THSD7A: variants seen among roughly 807,000 people sequenced by gnomAD.
THSD7A encodes the protein thrombospondin type-1 domain-containing protein 7A.
In THSD7A, 96 loss-of-function variants were observed where a neutral mutation model predicts 231.3. The ratio of observed to expected loss-of-function variants is 0.41; its 90% CI spans 0.35 to 0.49. The LOEUF (loss-of-function observed/expected upper bound fraction) is 0.49, where lower values mean the gene tolerates loss of function less well. Ranked by LOEUF, THSD7A falls within the 20% of genes least tolerant of loss-of-function variation. THSD7A has a pLI of 0.05. For synonymous variants in THSD7A, 940 were observed against 743.3 expected, an observed-to-expected ratio of 1.26 and a Z score of -4.30; for missense variants, 2,290 against 2,070.2, an observed-to-expected ratio of 1.11 and a Z score of -2.06.
intron 1 of THSD7A, among the ~76,000 whole-genome samples, chr7:11,693,304 A>G (rs895968099): frequency 1.2e-4 from 18 of 151,570 alleles, no homozygotes; most frequent in Non-Finnish European, 1.9e-4. Context: ...TAGTAAATTT[A>G]CACATCTAAG....
At chr7:11,686,034 A>G (rs1780041645) in intron 1 of THSD7A, among the ~76,000 whole-genome samples, 1 of 151,990 alleles carries the variant, frequency 6.6e-6, no homozygotes, top group African/African-American at 2.4e-5. Flanking sequence ...CTATACAACC[A>G]TAAAAGCGGA....
chr7:11,806,837 A>G (rs1014776802), intron 1 of THSD7A, among the ~76,000 whole-genome samples: 1 of 152,136 alleles, frequency 6.6e-6, no homozygotes, highest in South Asian at 2.1e-4. Context: ...CTCTGCTGCT[A>G]AAGTGTGCCT....
chr7:11,551,180 T>C (rs1022602860), intron 4 of THSD7A, among the ~76,000 whole-genome samples: 1 of 152,088 alleles, frequency 6.6e-6, no homozygotes, highest in Non-Finnish European at 1.5e-5. Flanking sequence ...TTTCACCATA[T>C]ATGAAAATCA....
Position 11,490,026 on chromosome 7 carries a change from C to T in THSD7A, c.1823-8044G>A, listed in dbSNP as rs185282950. Among the ~76,000 whole-genome samples, 236 of 152,086 alleles carry T rather than the reference C, an allele frequency of 1.6e-3. 1 individual carries two copies. Among genetic ancestry groups the T allele is most frequent in the African/African-American group, 5.4e-3 (226 of 41,526 alleles). On this transcript the variant is annotated intron_variant, in intron 6 of 27. Transcript: ENST00000423059. ...ATTCACAATAAGTTTGCCTATGTTTCCACTATGCTCTCTTCCCTGTCACTT... is the reference window on the plus strand; with the variant it reads ...ATTCACAATAAGTTTGCCTATGTTTTCACTATGCTCTCTTCCCTGTCACTT...
At chr7:11,417,327 C>G (rs1783994315) in intron 17 of THSD7A, 123 bp downstream of exon 17, 1 of 1,002,602 alleles carries the variant, frequency 1.0e-6, no homozygotes, top group Non-Finnish European at 1.4e-6. Context: ...CCTTGCTTTG[C>G]TAAATATGGC....
chr7:11,621,223 T>C (rs533315908), intron 2 of THSD7A, among the ~76,000 whole-genome samples: 1 of 152,342 alleles, frequency 6.6e-6, no homozygotes, highest in Admixed American at 6.5e-5. Flanking sequence ...TTTCCTAGTC[T>C]GATTTACAGT....
intron 1 of THSD7A, among the ~76,000 whole-genome samples, chr7:11,646,941 A>C (rs1424597992): frequency 6.6e-6 from 1 of 152,068 alleles, no homozygotes; most frequent in Admixed American, 6.6e-5. Flanking sequence ...AGCATATGTA[A>C]TAAAATTGTC....
intron 4 of THSD7A, among the ~76,000 whole-genome samples, chr7:11,556,599 T>C (rs905298193): frequency 5.3e-5 from 8 of 151,946 alleles, no homozygotes; most frequent in African/African-American, 1.9e-4. Flanking sequence ...GGTTTCTTCC[T>C]TTAATCTTTC....
At chr7:11,479,306 G>C (rs948234605) in intron 7 of THSD7A, among the ~76,000 whole-genome samples, 1 of 152,154 alleles carries the variant, frequency 6.6e-6, no homozygotes, top group East Asian at 1.9e-4. Flanking sequence ...TGAAAGTATA[G>C]GTTGGAGCAT....
intron 1 of THSD7A, among the ~76,000 whole-genome samples, chr7:11,682,884 A>T (rs1337714501): frequency 2.0e-5 from 3 of 152,090 alleles, no homozygotes; most frequent in Non-Finnish European, 4.4e-5. Flanking sequence ...ATAAAAAAAA[A>T]ATCACCGAGG....
At chr7:11,707,407 G>A (rs1208739298) in intron 1 of THSD7A, among the ~76,000 whole-genome samples, 1 of 150,960 alleles carries the variant, frequency 6.6e-6, no homozygotes, top group Non-Finnish European at 1.5e-5. Context: ...AGTATGCCAA[G>A]TGTGTTGGTT....
chr7:11,491,416 C>G (rs1160369323), intron 6 of THSD7A, among the ~76,000 whole-genome samples: 1 of 84,114 alleles, frequency 1.2e-5, no homozygotes, highest in Admixed American at 1.4e-4. Context: ...CTTTAGTCCC[C>G]TTTCTCTCTG....
chr7:11,554,302 G>C (rs1421723860), intron 4 of THSD7A, among the ~76,000 whole-genome samples: 4 of 152,144 alleles, frequency 2.6e-5, no homozygotes, highest in East Asian at 3.9e-4. Context: ...GGCATACAGA[G>C]AAGTACCATG....
At chr7:11,586,692 T>C (rs950211583) in intron 4 of THSD7A, among the ~76,000 whole-genome samples, 2 of 152,224 alleles carry the variant, frequency 1.3e-5, no homozygotes, top group Non-Finnish European at 2.9e-5. Flanking sequence ...TAGTGATAAA[T>C]AATTTACTTT....
At chr7:11,506,931 T>C (rs1787569089) in intron 6 of THSD7A, among the ~76,000 whole-genome samples, 1 of 152,212 alleles carries the variant, frequency 6.6e-6, no homozygotes, top group Non-Finnish European at 1.5e-5. Flanking sequence ...ATGAACTGTA[T>C]CTTTTTGTGT....
At position 11,636,591 on chromosome 7, in the gene THSD7A, G is replaced by A; in HGVS notation, c.561C>T (p.Cys187=). 2 of 1,614,012 alleles carry A rather than the reference G, an allele frequency of 1.2e-6. No individual in the cohort carries two copies. Among genetic ancestry groups the A allele is most frequent in the Non-Finnish European group, 1.7e-6 (2 of 1,179,890 alleles). Residue 187 remains cysteine, a synonymous_variant, in exon 2 of 28, where the codon TGC becomes TGT. Transcript: ENST00000423059. The surrounding 1 kb of genome is among the most constrained non-coding windows in gnomAD (Gnocchi z 10.0). Reference sequence around the variant, plus strand: ...TGCAATCTTGCTGGCAAGGAATGAGGCAAGCCTGCTCCAGGAGAGGCTTGG... The same window carrying A: ...TGCAATCTTGCTGGCAAGGAATGAGACAAGCCTGCTCCAGGAGAGGCTTGG... ...FEPKPLLEQA[C]LIPCQQDCIV...
chr7:11,538,688 T>G (rs1789017002), intron 6 of THSD7A, among the ~76,000 whole-genome samples: 1 of 152,198 alleles, frequency 6.6e-6, no homozygotes, highest in Admixed American at 6.5e-5. Flanking sequence ...GTGAAATGTT[T>G]ATCTCTTTTT....
intron 1 of THSD7A, among the ~76,000 whole-genome samples, chr7:11,720,774 A>T (rs1360531437): frequency 6.6e-6 from 1 of 151,708 alleles, no homozygotes; most frequent in Non-Finnish European, 1.5e-5. Context: ...AATGTTCAGC[A>T]GTGTTAGACA....
At chr7:11,823,956 T>C (rs536200657) in intron 1 of THSD7A, among the ~76,000 whole-genome samples, 1 of 151,654 alleles carries the variant, frequency 6.6e-6, no homozygotes, top group African/African-American at 2.4e-5. Context: ...AACAGTAGTG[T>C]TTTTTAAAAA....
Sources: allele counts gnomAD v4.1 joint callset (sites outside exome capture counted in the v4.1 genomes callset), GRCh38; gene constraint gnomAD v4.1.1; non-coding constraint Gnocchi (gnomAD v3.1); transcripts MANE v1.5; gene names NCBI Gene and HGNC (gene_info 2026-07-23, HGNC 2026-07-21).